MAX: variants seen among roughly 807,000 people sequenced by gnomAD.
MAX encodes protein max.
A neutral mutation model predicts 22.3 loss-of-function variants in MAX; 3 were observed. That is an observed-to-expected ratio of 0.13 (90% CI 0.06 to 0.35). The LOEUF (loss-of-function observed/expected upper bound fraction) is 0.35, where lower values mean the gene tolerates loss of function less well. Ranked by LOEUF, MAX falls within the 10% of genes least tolerant of loss-of-function variation. The pLI is 1.00. For synonymous variants in MAX, 72 were observed against 77.7 expected (o/e 0.93, Z 0.39); for missense variants, 119 against 209.4 (o/e 0.57, Z 2.66).
rs1231390261 is a variant in MAX, at chr14:65,084,162, G to A, written c.172-6126C>T. The A allele has an allele frequency of 6.2e-7, 1 of 1,612,938 alleles. No homozygotes were observed. Among genetic ancestry groups the A allele is most frequent in the Admixed American group, 1.7e-5 (1 of 59,992 alleles). Reference sequence around the variant, plus strand: ...CCAGGAGTAAGACATTTGTGTAAGGGGTCAAAACAATCATTTTTTAAATCT... The same window carrying A: ...CCAGGAGTAAGACATTTGTGTAAGGAGTCAAAACAATCATTTTTTAAATCT... On this transcript the variant is annotated intron_variant, in intron 3 of 4. Transcript: ENST00000358664. The surrounding 1 kb of genome is among the most constrained non-coding windows in gnomAD (Gnocchi z 4.3).
At chr14:65,049,609 C>T (rs2062561889) in intron 3 of MAX, among the ~76,000 whole-genome samples, 1 of 152,124 alleles carries the variant, frequency 6.6e-6, no homozygotes, top group African/African-American at 2.4e-5. Flanking sequence ...GTCACTGAAA[C>T]AGTCTATAGT....
chr14:65,084,243 C>T lies in MAX; in HGVS notation c.172-6207G>A, dbSNP rs1219043234. On this transcript the variant is annotated intron_variant, in intron 3 of 4. Coordinates refer to ENST00000358664, the MANE Select transcript of MAX (RefSeq NM_002382.5). The surrounding 1 kb of genome is among the most constrained non-coding windows in gnomAD (Gnocchi z 4.3). ...TTGAAATGAAGGTGTGGCATTTCTG[C>T]ATCAAACTTTGACGATGAAGGACAG... is the stretch of plus-strand genomic sequence containing the variant. 2 of 1,613,848 alleles carry T rather than the reference C, an allele frequency of 1.2e-6. No individual in the cohort carries two copies. The highest frequency in any genetic ancestry group is 1.7e-6 in the Non-Finnish European group (2 of 1,179,946).
At chr14:65,038,946 T>A (rs989079420) in intron 3 of MAX, among the ~76,000 whole-genome samples, 1 of 152,248 alleles carries the variant, frequency 6.6e-6, no homozygotes, top group African/African-American at 2.4e-5. Flanking sequence ...CTCAATAGTC[T>A]TACTTCATAT....
chr14:65,052,260 A>C (rs2062633399), intron 3 of MAX, among the ~76,000 whole-genome samples: 1 of 152,214 alleles, frequency 6.6e-6, no homozygotes, highest in Non-Finnish European at 1.5e-5. Flanking sequence ...ATAGTGGTAT[A>C]AGTGAAAAAC....
intron 3 of MAX, among the ~76,000 whole-genome samples, chr14:65,060,439 A>ATGACCCAGGCGTGGTGGCTCACACCTG (rs1436999115): frequency 7.4e-6 from 1 of 134,962 alleles, no homozygotes; most frequent in African/African-American, 3.6e-5. Context: ...AAATACAAAA[A>ATGACCCAGGCGTGGTGGCTCACACCTG]TAATCCCAGC....
In MAX at chr14:65,031,649, G is replaced by A. The variant is rs921474148; in HGVS notation, c.172-25365C>T. On this transcript the variant is annotated intron_variant, in intron 3 of 3. Transcript: ENST00000341653. The surrounding 1 kb of genome is among the most constrained non-coding windows in gnomAD (Gnocchi z 4.6). ...CTTTTTTAAAAAATAGCCCGGGCGC[G>A]GTGGCTTATGCCTGTAATCCCAGCA... is the stretch of plus-strand genomic sequence containing the variant. Among the ~76,000 whole-genome samples the A allele has an allele frequency of 2.0e-5, 3 of 152,072 alleles. No individual in the cohort carries two copies. Among genetic ancestry groups the A allele is most frequent in the Non-Finnish European group, 2.9e-5 (2 of 68,002 alleles).
chr14:65,071,302 C>G (rs1201110993), downstream of MAX, among the ~76,000 whole-genome samples: 1 of 152,064 alleles, frequency 6.6e-6, no homozygotes, highest in Non-Finnish European at 1.5e-5. This position sits in a 1 kb window ranked among gnomAD's most constrained non-coding sequence, Gnocchi z 4.2. Flanking sequence ...ACACTATGCT[C>G]GGCTAATTTT....
chr14:65,067,709 A>G (rs918112649), intron 3 of MAX, among the ~76,000 whole-genome samples: 1 of 151,094 alleles, frequency 6.6e-6, no homozygotes, highest in African/African-American at 2.4e-5. Flanking sequence ...TGCAGCCTCA[A>G]CCTCCTGGGC....
At position 65,014,833 on chromosome 14, in the gene MAX, A is replaced by T. The variant is rs2061740342; in HGVS notation, c.172-8549T>A. ...TGTCTCAAAAAAATAAACGGTAGAA[A>T]CCAAATTTTATTATCATCCCCCCAG... On this transcript the variant is annotated intron_variant, in intron 3 of 3. Transcript: ENST00000341653. The surrounding 1 kb of genome is among the most constrained non-coding windows in gnomAD (Gnocchi z 5.1). Among the ~76,000 whole-genome samples the T allele has an allele frequency of 6.6e-6, 1 of 152,142 alleles. No homozygotes were observed. The highest frequency in any genetic ancestry group is 2.4e-5 in the African/African-American group (1 of 41,428).
intron 3 of MAX, among the ~76,000 whole-genome samples, chr14:65,050,428 TA>T (rs2062580362): frequency 6.6e-6 from 1 of 152,122 alleles, no homozygotes; most frequent in African/African-American, 2.4e-5. Context: ...CTGTCTCTAC[TA>T]AAAATGCAAA....
chr14:65,091,991 T>C (rs2063521759), intron 3 of MAX: 1 of 152,206 alleles, frequency 6.6e-6, no homozygotes, highest in African/African-American at 2.4e-5. Flanking sequence ...TGACAGACTA[T>C]TCCATTTGTA....
At chr14:65,016,769 G>C (rs1416636903) in intron 3 of MAX, among the ~76,000 whole-genome samples, 4 of 152,150 alleles carry the variant, frequency 2.6e-5, no homozygotes, top group Non-Finnish European at 5.9e-5. Flanking sequence ...TAACCCTTGT[G>C]GTACGTAGGA....
Position 65,017,983 on chromosome 14 carries a change from T to C in MAX, c.172-11699A>G, listed in dbSNP as rs567483453. Among the ~76,000 whole-genome samples, 13 of 152,048 alleles carry C rather than the reference T, an allele frequency of 8.5e-5. No individual in the cohort carries two copies. In the South Asian group the frequency reaches 2.7e-3, roughly 32 times the overall value. On this transcript the variant is annotated intron_variant, in intron 3 of 3. Transcript: ENST00000341653. ...AAAATAAATAAATAAAATACATAAA[T>C]TTAAAAAATAAAACATAAGTCATTT...
At chr14:65,064,338 GA>G (rs2062909864) in intron 3 of MAX, among the ~76,000 whole-genome samples, 1 of 152,216 alleles carries the variant, frequency 6.6e-6, no homozygotes, top group Non-Finnish European at 1.5e-5. Context: ...GCAACTGGTA[GA>G]AAACTTGACC....
Position 65,069,397 on chromosome 14 carries a change from GC to G in MAX, c.171+24310del, listed in dbSNP as rs1308787404. Among the ~76,000 whole-genome samples, 1 of 152,168 alleles carries G rather than the reference GC, an allele frequency of 6.6e-6. No individual in the cohort carries two copies. Among genetic ancestry groups the G allele is most frequent in the Non-Finnish European group, 1.5e-5 (1 of 68,026 alleles). On this transcript the variant is annotated intron_variant, in intron 3 of 3. Coordinates refer to the MAX transcript ENST00000341653. The surrounding 1 kb of genome is among the most constrained non-coding windows in gnomAD (Gnocchi z 4.6). ...TAGTGCCAAACCGCTCTCACTGAGG[GC>G]CCATCTCCTGAACTCCTCTGGCATT...
intron 3 of MAX, among the ~76,000 whole-genome samples, chr14:65,057,737 G>T (rs2062769725): frequency 6.6e-6 from 1 of 152,168 alleles, no homozygotes; most frequent in Non-Finnish European, 1.5e-5. Context: ...TCTGTGTATG[G>T]TGAGGCTTGG....
chr14:65,068,742 G>C (rs2062957001), intron 3 of MAX, among the ~76,000 whole-genome samples: 1 of 151,974 alleles, frequency 6.6e-6, no homozygotes, highest in Non-Finnish European at 1.5e-5. Flanking sequence ...CTTTCAACGA[G>C]TACTGCATGT....
chr14:65,043,828 C>CAAAAAAAAAAAA (rs749243788), intron 3 of MAX, among the ~76,000 whole-genome samples: 2 of 64,244 alleles, frequency 3.1e-5, no homozygotes, highest in African/African-American at 1.1e-4. Flanking sequence ...GACTCCGTCT[C>CAAAAAAAAAAAA]AAAAAAAAAA....
chr14:65,052,864 T>C (rs1321549938), intron 3 of MAX, among the ~76,000 whole-genome samples: 1 of 152,174 alleles, frequency 6.6e-6, no homozygotes, highest in African/African-American at 2.4e-5. Flanking sequence ...GGAATGTCTC[T>C]TGAAGTCCAG....
Sources: gnomAD v4.1 joint callset for allele counts (sites outside exome capture counted in the v4.1 genomes callset) on GRCh38, gnomAD v4.1.1 for gene constraint, Gnocchi (gnomAD v3.1) non-coding constraint, MANE v1.5 for transcripts, NCBI Gene and HGNC (gene_info 2026-07-23, HGNC 2026-07-21) for gene names.